LCORL: variants seen among roughly 807,000 people sequenced by gnomAD.
LCORL encodes the protein ligand dependent nuclear receptor corepressor like, also known as ligand-dependent nuclear receptor corepressor-like protein.
A neutral mutation model predicts 141.8 loss-of-function variants in LCORL; 41 were observed. That is an observed-to-expected ratio of 0.29 (90% CI 0.23 to 0.38). The LOEUF is 0.38. Among genes scored for constraint, LCORL ranks in the 10% least tolerant of loss-of-function variants. LCORL has a pLI of 1.00. For missense variants in LCORL, 1,759 were observed against 2,035.0 expected (o/e 0.86, Z 2.61); for synonymous variants, 618 against 694.1 (o/e 0.89, Z 1.72).
chr4:17,890,824 T>C (rs1728961650), intron 5 of LCORL, among the ~76,000 whole-genome samples: 1 of 143,354 alleles, frequency 7.0e-6, no homozygotes, highest in Admixed American at 6.9e-5. Flanking sequence ...TGACACTTTA[T>C]TGGGTTTTTA....
At chr4:17,873,862 T>C (rs1726638371) in exon 7 of LCORL, 1 of 1,233,934 alleles carries the variant, frequency 8.1e-7, no homozygotes, top group African/African-American at 1.6e-5. Context: ...TTTTCTAGTC[T>C]TGGTCCCTTT....
In LCORL at chr4:17,867,023, A is replaced by G. The variant is rs1484594049; in HGVS notation, c.5602+6365T>C. ...CCTCAGATAGAGAAAGCAGGTCTGG[A>G]GGCTGCAGGGAGAGAATAAAGATTT... On this transcript the variant is annotated intron_variant, in intron 7 of 7. Coordinates refer to ENST00000635767, the Ensembl canonical transcript of LCORL. 3.1e-6 allele frequency: 3 copies of G among 982,420 alleles called. No individual in the cohort carries two copies. In the Admixed American group the frequency reaches 1.8e-4, roughly 60 times the overall value. 60.9% of individuals were successfully genotyped at this position (982,420 alleles called of 1,614,324 possible).
chr4:18,003,753 T>C (rs1021614251), intron 1 of LCORL, among the ~76,000 whole-genome samples: 5 of 152,336 alleles, frequency 3.3e-5, no homozygotes, highest in Admixed American at 1.3e-4. Context: ...ACCTACAATT[T>C]TGAAGCACGT....
intron 1 of LCORL, among the ~76,000 whole-genome samples, chr4:18,003,472 T>C (rs1339791096): frequency 6.6e-6 from 1 of 152,194 alleles, no homozygotes; most frequent in Non-Finnish European, 1.5e-5. Context: ...ACCAGAGAAA[T>C]AGACTTTGTA....
intron 1 of LCORL, among the ~76,000 whole-genome samples, chr4:17,985,925 C>T (rs1718886667): frequency 6.6e-6 from 1 of 152,084 alleles, no homozygotes; most frequent in African/African-American, 2.4e-5. Flanking sequence ...ATTTAATGCT[C>T]CTTTCAAGAT....
chr4:17,905,036 T>C (rs1731396029), intron 5 of LCORL, among the ~76,000 whole-genome samples: 1 of 152,172 alleles, frequency 6.6e-6, no homozygotes, highest in Non-Finnish European at 1.5e-5. Context: ...CCATAAGACC[T>C]GACATAGTTT....
At chr4:17,936,703 A>C (rs911313271) in intron 4 of LCORL, among the ~76,000 whole-genome samples, 3 of 152,174 alleles carry the variant, frequency 2.0e-5, no homozygotes, top group African/African-American at 7.2e-5. Context: ...ATTTTATGAG[A>C]GGTTAACGGA....
chr4:17,927,416 T>C (rs1735324742), intron 4 of LCORL, among the ~76,000 whole-genome samples: 1 of 152,228 alleles, frequency 6.6e-6, no homozygotes. Context: ...CACTTTTAAT[T>C]TTCTTCAAGA....
chr4:17,941,870 C>A (rs1455555705), intron 4 of LCORL, among the ~76,000 whole-genome samples: 1 of 147,232 alleles, frequency 6.8e-6, no homozygotes, highest in Non-Finnish European at 1.5e-5. Flanking sequence ...TTTTTTTTGC[C>A]TCCTCAGCAG....
At chr4:17,944,017 C>G (rs567733872) in intron 4 of LCORL, among the ~76,000 whole-genome samples, 51 of 152,174 alleles carry the variant, frequency 3.4e-4, no homozygotes, top group Non-Finnish European at 6.8e-4. Context: ...GGCATGGTAT[C>G]TTCTTTTAGT....
intron 1 of LCORL, among the ~76,000 whole-genome samples, chr4:18,020,297 A>T (rs1232545611): frequency 6.6e-6 from 1 of 152,100 alleles, no homozygotes. Context: ...GAGCAGATGG[A>T]AACAAGGTAA....
intron 6 of LCORL, chr4:17,882,905 CTTAT>C (rs1727767111): frequency 1.0e-6 from 1 of 958,946 alleles, no homozygotes; most frequent in Non-Finnish European, 1.2e-6. Context: ...TACACATTAG[CTTAT>C]TTTTCAAATG....
At chr4:17,845,597 G>T in exon 8 of LCORL, 2 of 568,486 alleles carry the variant, frequency 3.5e-6, no homozygotes, top group Non-Finnish European at 5.8e-6. Flanking sequence ...AATGATTAAT[G>T]CTAATGATTT....
intron 5 of LCORL, among the ~76,000 whole-genome samples, chr4:17,906,972 A>G (rs1456382877): frequency 6.6e-6 from 1 of 152,192 alleles, no homozygotes; most frequent in Non-Finnish European, 1.5e-5. Flanking sequence ...GTGAGCCACC[A>G]TGCCCGGCCA....
At chr4:17,977,231 C>T (rs910110813) in intron 1 of LCORL, among the ~76,000 whole-genome samples, 2 of 152,036 alleles carry the variant, frequency 1.3e-5, no homozygotes, top group Non-Finnish European at 2.9e-5. Flanking sequence ...GGTGGATATA[C>T]GTTTTCATTT....
chr4:17,901,299 T>C (rs1366240728), intron 5 of LCORL, among the ~76,000 whole-genome samples: 1 of 151,886 alleles, frequency 6.6e-6, no homozygotes, highest in Non-Finnish European at 1.5e-5. Flanking sequence ...AGACTATTCG[T>C]TGGCAGTCAC....
chr4:17,937,706 T>C (rs1278999655), intron 4 of LCORL, among the ~76,000 whole-genome samples: 1 of 152,078 alleles, frequency 6.6e-6, no homozygotes, highest in Non-Finnish European at 1.5e-5. Context: ...AACTAAGAGG[T>C]ACAGTTAAGC....
At chr4:17,954,751 G>C (rs1560398997) in intron 4 of LCORL, among the ~76,000 whole-genome samples, 1 of 152,170 alleles carries the variant, frequency 6.6e-6, no homozygotes, top group Non-Finnish European at 1.5e-5. Flanking sequence ...TTGCATGTGG[G>C]CTGTAAAAGA....
chr4:17,981,938 CCTCTTTGAATCCATGTGTT>C (rs1237337331), intron 1 of LCORL, among the ~76,000 whole-genome samples: 1 of 152,022 alleles, frequency 6.6e-6, no homozygotes, highest in Non-Finnish European at 1.5e-5. Flanking sequence ...CTGTTGCTCC[CCTCTTTGAATCCATGTGTT>C]CTCATCATTT....
Sources: gnomAD v4.1 joint callset for allele counts (sites outside exome capture counted in the v4.1 genomes callset) on GRCh38, gnomAD v4.1.1 for gene constraint, MANE v1.5 for transcripts, NCBI Gene and HGNC (gene_info 2026-07-23, HGNC 2026-07-21) for gene names.